The following YAF2 variants were observed in gnomAD, a reference collection of about 807,000 sequenced individuals.
The protein encoded by YAF2 is YY1 associated factor 2.
In YAF2, 7 loss-of-function variants were observed where a neutral mutation model predicts 20.1. The observed-to-expected ratio is 0.35, with a 90% confidence interval of 0.20 to 0.65. The LOEUF (loss-of-function observed/expected upper bound fraction) is 0.65, where lower values mean the gene tolerates loss of function less well. YAF2 is among the 30% of genes least tolerant of loss of function. The pLI is 0.69. For synonymous variants in YAF2, 74 were observed against 76.0 expected (o/e 0.97, Z 0.14); for missense variants, 151 against 219.2 (o/e 0.69, Z 1.96).
chr12:42,198,204 G>C (rs1240887092), intron 2 of YAF2, among the ~76,000 whole-genome samples: 1 of 152,116 alleles, frequency 6.6e-6, no homozygotes, highest in Non-Finnish European at 1.5e-5. Context: ...CTTTCCTTAG[G>C]GAGATGATGA....
chr12:42,174,927 C>T (rs1487431875), intron 2 of YAF2, among the ~76,000 whole-genome samples: 1 of 152,138 alleles, frequency 6.6e-6, no homozygotes, highest in Non-Finnish European at 1.5e-5. Context: ...ATAATCTTTT[C>T]TATGCATCAA....
intron 2 of YAF2, among the ~76,000 whole-genome samples, chr12:42,191,870 T>TCC (rs1320293445): frequency 1.3e-5 from 2 of 151,086 alleles, no homozygotes; most frequent in African/African-American, 4.9e-5. Context: ...GGAGGATCAT[T>TCC]TGAGGTCAGG....
intron 2 of YAF2, among the ~76,000 whole-genome samples, chr12:42,220,053 T>C (rs1161381445): frequency 6.6e-6 from 1 of 152,156 alleles, no homozygotes; most frequent in Non-Finnish European, 1.5e-5. Flanking sequence ...GAGACTAACT[T>C]AGAGGACCAA....
At chr12:42,175,560 T>G in intron 2 of YAF2, among the ~76,000 whole-genome samples, 1 of 151,196 alleles carries the variant, frequency 6.6e-6, no homozygotes, top group East Asian at 1.9e-4. Context: ...GTCTAAAATT[T>G]TTTTAACCTA....
At position 42,158,941 on chromosome 12, in the gene YAF2, T is replaced by C. The variant is rs1001963733; in HGVS notation, c.*1648A>G. The C allele has an allele frequency of 6.6e-5, 10 of 152,220 alleles. No individual in the cohort carries two copies. Among genetic ancestry groups the C allele is most frequent in the Non-Finnish European group, 1.5e-5 (1 of 68,032 alleles). 9.4% of individuals were successfully genotyped at this position (152,220 alleles called of 1,614,324 possible). Reference sequence around the variant, plus strand: ...ACAGAATAAGACAAAAAAATTCATGTTTTAAAGGAACATATCTGGTTAGCT... The same window carrying C: ...ACAGAATAAGACAAAAAAATTCATGCTTTAAAGGAACATATCTGGTTAGCT... On this transcript the variant is annotated 3_prime_UTR_variant, in exon 4 of 4. Coordinates refer to ENST00000534854, the MANE Select transcript of YAF2 (RefSeq NM_005748.6).
chr12:42,180,402 T>TC (rs2066313096), intron 2 of YAF2, among the ~76,000 whole-genome samples: 1 of 152,024 alleles, frequency 6.6e-6, no homozygotes, highest in Non-Finnish European at 1.5e-5. Flanking sequence ...AGAACTGAGG[T>TC]CAACAGCCAC....
chr12:42,223,886 G>T (rs1434389969), intron 2 of YAF2, among the ~76,000 whole-genome samples: 1 of 146,218 alleles, frequency 6.8e-6, no homozygotes, highest in Non-Finnish European at 1.5e-5. Context: ...GGGGTGGGGG[G>T]CAAGGGGAAG....
At chr12:42,226,141 G>A (rs750799911) in intron 2 of YAF2, among the ~76,000 whole-genome samples, 3 of 152,052 alleles carry the variant, frequency 2.0e-5, no homozygotes, top group Non-Finnish European at 2.9e-5. Context: ...TTGTAGCAAT[G>A]GAATATACAA....
intron 2 of YAF2, chr12:42,231,134 G>T (rs1032494569): frequency 4.6e-5 from 7 of 151,754 alleles, no homozygotes; most frequent in Admixed American, 4.6e-4. Context: ...CTTAATGTGG[G>T]TCATCTATCA....
At chr12:42,193,306 GAGACTCCCT>G (rs2066664212) in intron 2 of YAF2, among the ~76,000 whole-genome samples, 1 of 145,606 alleles carries the variant, frequency 6.9e-6, no homozygotes, top group African/African-American at 2.6e-5. Context: ...CAGAGTAAAT[GAGACTCCCT>G]CTCAAAAAAA....
chr12:42,187,017 T>C (rs992266160), intron 2 of YAF2, among the ~76,000 whole-genome samples: 16 of 152,202 alleles, frequency 1.1e-4, no homozygotes, highest in African/African-American at 4.8e-5. Flanking sequence ...ACTTGATATA[T>C]ATAGTTCAAG....
Position 42,159,023 on chromosome 12 carries a change from A to G in YAF2, c.*1566T>C, listed in dbSNP as rs1379839800. ...ACAAATTTTAATTTTTCATTTAACA[A>G]CACTAAAGAATGAGGTATATAAATG... is the stretch of plus-strand genomic sequence containing the variant. On this transcript the variant is annotated 3_prime_UTR_variant, in exon 4 of 4. Transcript: ENST00000534854. The G allele has an allele frequency of 6.6e-6, 1 of 152,180 alleles. No homozygotes were observed. Among genetic ancestry groups the G allele is most frequent in the Non-Finnish European group, 1.5e-5 (1 of 68,008 alleles). The allele number at this position is 152,180 out of a possible 1,614,324, so 9.4% of individuals were successfully genotyped here.
intron 2 of YAF2, among the ~76,000 whole-genome samples, chr12:42,228,403 GC>G: frequency 1.7e-5 from 1 of 60,336 alleles, no homozygotes; most frequent in Non-Finnish European, 3.0e-5. Context: ...TGCCCGGCCA[GC>G]CGCCCCGTCC....
chr12:42,219,503 G>T (rs887916488), intron 2 of YAF2, among the ~76,000 whole-genome samples: 4 of 152,154 alleles, frequency 2.6e-5, no homozygotes, highest in Admixed American at 2.6e-4. Context: ...CTCATTCAGA[G>T]AAGTGTTTGC....
chr12:42,209,952 C>A (rs1325979609), intron 2 of YAF2, among the ~76,000 whole-genome samples: 4 of 152,160 alleles, frequency 2.6e-5, no homozygotes, highest in Non-Finnish European at 5.9e-5. Flanking sequence ...GCATGCACCA[C>A]CATGCCCGGC....
chr12:42,198,815 A>G (rs993295936), intron 2 of YAF2, among the ~76,000 whole-genome samples: 3 of 152,204 alleles, frequency 2.0e-5, no homozygotes, highest in Admixed American at 6.5e-5. Flanking sequence ...GAAGAGTAAC[A>G]GCAGAATTAC....
intron 2 of YAF2, among the ~76,000 whole-genome samples, chr12:42,178,117 T>C (rs2066244970): frequency 6.6e-6 from 1 of 152,208 alleles, no homozygotes; most frequent in South Asian, 2.1e-4. Context: ...AATATGTACA[T>C]CTATTTTGTA....
intron 2 of YAF2, chr12:42,235,821 C>T: frequency 6.5e-6 from 10 of 1,536,036 alleles, no homozygotes; most frequent in Non-Finnish European, 8.7e-6. Context: ...ACTAGGCCCA[C>T]TTCTCTGTCC....
intron 2 of YAF2, among the ~76,000 whole-genome samples, chr12:42,206,380 G>A (rs984567279): frequency 3.3e-5 from 5 of 151,648 alleles, no homozygotes; most frequent in Admixed American, 1.3e-4. Context: ...AGGCTGAGGC[G>A]GGCAGATCAC....
Sources: gnomAD v4.1 joint callset for allele counts (sites outside exome capture counted in the v4.1 genomes callset) on GRCh38, gnomAD v4.1.1 for gene constraint, MANE v1.5 for transcripts, NCBI Gene and HGNC (gene_info 2026-07-23, HGNC 2026-07-21) for gene names.